AGBL1: variants seen among roughly 807,000 people sequenced by gnomAD.
The protein encoded by AGBL1 is cytosolic carboxypeptidase 4.
In AGBL1, 130 loss-of-function variants were observed where a neutral mutation model predicts 118.9. The observed-to-expected ratio is 1.09, with a 90% CI of 0.95 to 1.26. The LOEUF is 1.26. Ranked by LOEUF, AGBL1 falls within the 50% of genes most tolerant of loss-of-function variation. The probability of loss-of-function intolerance (pLI) is 0.00; values close to 1 mark genes in which losing one functional copy is unlikely to be tolerated. For synonymous variants in AGBL1, 555 were observed against 478.9 expected (o/e 1.16, Z -2.08); for missense variants, 1,584 against 1,298.1 (o/e 1.22, Z -3.38).
At chr15:86,173,390 G>T (rs1351008826) in intron 5 of AGBL1, 1 of 151,960 alleles carries the variant, frequency 6.6e-6, no homozygotes, top group Non-Finnish European at 1.5e-5. Flanking sequence ...CATTCAGCAG[G>T]TTGTCTCTTC....
intron 1 of AGBL1, among the ~76,000 whole-genome samples, chr15:86,104,622 G>A (rs568830465): frequency 2.7e-4 from 41 of 152,270 alleles, no homozygotes; most frequent in Non-Finnish European, 4.3e-4. Flanking sequence ...AATGGCTTGT[G>A]CTTTTGCCCT....
At chr15:86,639,360 C>T (rs1173490224) in intron 21 of AGBL1, among the ~76,000 whole-genome samples, 3 of 152,186 alleles carry the variant, frequency 2.0e-5, no homozygotes, top group African/African-American at 7.2e-5. Context: ...TAAGTACCTT[C>T]ACTTCTACAT....
intron 22 of AGBL1, among the ~76,000 whole-genome samples, chr15:86,777,988 G>T (rs1035060266): frequency 6.6e-6 from 1 of 152,060 alleles, no homozygotes; most frequent in Non-Finnish European, 1.5e-5. Context: ...TTTCATGTAG[G>T]TTCTTTTCTA....
intron 22 of AGBL1, among the ~76,000 whole-genome samples, chr15:86,692,519 A>G (rs2086190505): frequency 6.6e-6 from 1 of 152,082 alleles, no homozygotes; most frequent in African/African-American, 2.4e-5. Context: ...ACTGCCAAAC[A>G]ATGGCTTCGC....
rs149751002 is a variant in AGBL1 at position 86,312,147 on chromosome 15, A to G, written c.2374+16739A>G. Reference sequence around the variant, plus strand: ...CAAAACTTACAGTCACATTCAAGCCAGATTACAGAATGCTGAGATTGTATT... The same window carrying G: ...CAAAACTTACAGTCACATTCAAGCCGGATTACAGAATGCTGAGATTGTATT... On this transcript the variant is annotated intron_variant, in intron 17 of 22. Transcript: ENST00000614907. 235 of 152,380 alleles carry G rather than the reference A, an allele frequency of 1.5e-3. 1 individual carries two copies. The highest frequency in any genetic ancestry group is 5.4e-3 in the African/African-American group (226 of 41,606). The allele number at this position is 152,380 out of a possible 1,614,324, so 9.4% of individuals were successfully genotyped here.
At chr15:86,489,580 G>T (rs191593706) in intron 18 of AGBL1, among the ~76,000 whole-genome samples, 7 of 152,230 alleles carry the variant, frequency 4.6e-5, no homozygotes, top group African/African-American at 9.6e-5. Flanking sequence ...TATATCAGGG[G>T]TCAGTAAACT....
At chr15:86,363,762 C>T (rs921383456) in intron 17 of AGBL1, among the ~76,000 whole-genome samples, 6 of 152,098 alleles carry the variant, frequency 3.9e-5, no homozygotes, top group South Asian at 4.2e-4. Context: ...AATGCCTGCT[C>T]GAGAGCTCTC....
At chr15:86,367,678 T>C (rs1164716112) in intron 17 of AGBL1, among the ~76,000 whole-genome samples, 3 of 152,102 alleles carry the variant, frequency 2.0e-5, no homozygotes, top group Admixed American at 6.6e-5. Context: ...TAATCCGTAG[T>C]ATGTGAAGCT....
chr15:86,817,107 T>C (rs575400230), intron 22 of AGBL1, among the ~76,000 whole-genome samples: 1 of 151,950 alleles, frequency 6.6e-6, no homozygotes, highest in South Asian at 2.1e-4. Context: ...ACCAACATGA[T>C]GAAACTCCAT....
At chr15:87,010,236 G>A (rs1048865957) in intron 24 of AGBL1, among the ~76,000 whole-genome samples, 10 of 152,152 alleles carry the variant, frequency 6.6e-5, no homozygotes, top group African/African-American at 2.4e-4. Context: ...TAAGTCTCAT[G>A]AGACCTGATG....
chr15:86,437,163 A>G (rs2082009839), intron 18 of AGBL1, among the ~76,000 whole-genome samples: 1 of 152,206 alleles, frequency 6.6e-6, no homozygotes, highest in Non-Finnish European at 1.5e-5. Flanking sequence ...GTAAGAAGGT[A>G]TGGACTAGAG....
chr15:86,133,897 C>T (rs1452575495), intron 1 of AGBL1, among the ~76,000 whole-genome samples: 5 of 152,098 alleles, frequency 3.3e-5, no homozygotes, highest in Non-Finnish European at 7.4e-5. Flanking sequence ...CATTACCTAC[C>T]ACCCAGCTTC....
At chr15:86,999,481 T>C (rs1449385000) in intron 24 of AGBL1, among the ~76,000 whole-genome samples, 2 of 147,226 alleles carry the variant, frequency 1.4e-5, no homozygotes, top group Non-Finnish European at 3.0e-5. Context: ...GTTTGGTTTT[T>C]TGTTCTTGTG....
chr15:86,704,582 G>A (rs937486536), intron 22 of AGBL1, among the ~76,000 whole-genome samples: 7 of 152,168 alleles, frequency 4.6e-5, no homozygotes, highest in Non-Finnish European at 1.0e-4. Context: ...ACCACAATAA[G>A]ATGCCATCTC....
At chr15:86,457,999 C>A (rs1046485088) in intron 18 of AGBL1, among the ~76,000 whole-genome samples, 4 of 152,026 alleles carry the variant, frequency 2.6e-5, no homozygotes, top group African/African-American at 9.7e-5. Flanking sequence ...AAAGTGAAGA[C>A]AATGCAGGTT....
chr15:86,103,590 G>T (rs1418453554), intron 1 of AGBL1, among the ~76,000 whole-genome samples: 3 of 152,264 alleles, frequency 2.0e-5, no homozygotes, highest in Non-Finnish European at 4.4e-5. Context: ...CAGTAGTATA[G>T]TCTCCATGTA....
intron 22 of AGBL1, among the ~76,000 whole-genome samples, chr15:86,726,844 T>C (rs959782012): frequency 2.7e-4 from 41 of 152,144 alleles, no homozygotes; most frequent in African/African-American, 9.4e-4. Context: ...TGTGAGCCAC[T>C]GCACCCAGCC....
chr15:86,742,476 A>G (rs2077694260), intron 22 of AGBL1, among the ~76,000 whole-genome samples: 1 of 152,014 alleles, frequency 6.6e-6, no homozygotes, highest in Non-Finnish European at 1.5e-5. Context: ...GGCTTTCTTT[A>G]GCTTGTTGTT....
intron 18 of AGBL1, among the ~76,000 whole-genome samples, chr15:86,478,004 C>G (rs1459632422): frequency 6.6e-6 from 1 of 152,046 alleles, no homozygotes; most frequent in African/African-American, 2.4e-5. Context: ...TCAATAGATG[C>G]AAAAAGGCCT....
Sources: gnomAD v4.1 joint callset for allele counts (sites outside exome capture counted in the v4.1 genomes callset) on GRCh38, gnomAD v4.1.1 for gene constraint, MANE v1.5 for transcripts, NCBI Gene and HGNC (gene_info 2026-07-23, HGNC 2026-07-21) for gene names.